The following NLK variants were observed in gnomAD, a reference collection of about 807,000 sequenced individuals.
NLK encodes the protein nemo like kinase, also known as serine/threonine-protein kinase NLK.
NLK carries 11 observed loss-of-function variants against 59.0 expected under a neutral mutation model. The observed-to-expected ratio is 0.19, with a 90% CI of 0.12 to 0.31. The LOEUF (loss-of-function observed/expected upper bound fraction) is 0.31, where lower values mean the gene tolerates loss of function less well. Ranked by LOEUF, NLK falls within the 10% of genes least tolerant of loss-of-function variation. The probability of loss-of-function intolerance (pLI) is 1.00; values close to 1 mark genes in which losing one functional copy is unlikely to be tolerated. For synonymous variants in NLK, 235 were observed against 235.9 expected (o/e 1.00, Z 0.03); for missense variants, 410 against 661.1 (o/e 0.62, Z 4.16).
In NLK at chr17:28,164,636, G is replaced by A. The variant is rs34833962; in HGVS notation, c.837+1008G>A. ...TTTGTATTTCCCTACCTCTAATACA[G>A]ATGTGTATTGGCAGAACTCTTGAAT... On this transcript the variant is annotated intron_variant, in intron 5 of 10. Coordinates refer to ENST00000407008, the MANE Select transcript of NLK (RefSeq NM_016231.5). 5.6e-3 allele frequency among the ~76,000 whole-genome samples: 852 copies of A among 152,240 alleles called. 10 individuals carry two copies. The highest frequency in any genetic ancestry group is 0.02 in the African/African-American group (814 of 41,532).
the NLK span, among the ~76,000 whole-genome samples, chr17:28,204,755 A>T: frequency 6.6e-6 from 1 of 152,224 alleles, no homozygotes; most frequent in Non-Finnish European, 1.5e-5. Context: ...AACAGGGCAG[A>T]TAAGGAGAAT....
chr17:28,191,512 G>A (rs1012143081), intron 9 of NLK, among the ~76,000 whole-genome samples: 5 of 152,132 alleles, frequency 3.3e-5, no homozygotes, highest in East Asian at 1.9e-4. Flanking sequence ...TGATTCAAAC[G>A]TATTGAACTT....
chr17:28,196,521 ATCT>A (rs1909489176), downstream of NLK: 1 of 152,224 alleles, frequency 6.6e-6, no homozygotes, highest in African/African-American at 2.4e-5. Context: ...GTTTTTAAAA[ATCT>A]TCTCAAAAAC....
intron 3 of NLK, among the ~76,000 whole-genome samples, chr17:28,144,910 A>T (rs1169718398): frequency 6.6e-6 from 1 of 152,232 alleles, no homozygotes; most frequent in African/African-American, 2.4e-5. Flanking sequence ...ATTTGAGAGC[A>T]GTACCTCAGG....
chr17:28,084,726 G>A (rs1910455433), intron 1 of NLK, among the ~76,000 whole-genome samples: 1 of 152,120 alleles, frequency 6.6e-6, no homozygotes, highest in Non-Finnish European at 1.5e-5. Flanking sequence ...ACCATGCCCG[G>A]CTAATTTTTG....
chr17:28,099,788 C>T (rs1394778699), intron 1 of NLK, among the ~76,000 whole-genome samples: 3 of 151,304 alleles, frequency 2.0e-5, no homozygotes, highest in Admixed American at 2.0e-4. Context: ...CCTTGTTAGC[C>T]AGGATGGTCT....
At chr17:28,204,694 C>G in the NLK span, among the ~76,000 whole-genome samples, 1 of 152,166 alleles carries the variant, frequency 6.6e-6, no homozygotes, top group Non-Finnish European at 1.5e-5. Flanking sequence ...AATAAACATA[C>G]AAATAAATCA....
At chr17:28,124,213 T>A (rs1906198278) in intron 2 of NLK, among the ~76,000 whole-genome samples, 1 of 152,206 alleles carries the variant, frequency 6.6e-6, no homozygotes, top group Non-Finnish European at 1.5e-5. Context: ...GCAATATGCT[T>A]GTTTTAATAC....
intron 1 of NLK, among the ~76,000 whole-genome samples, chr17:28,120,492 A>C (rs987893804): frequency 6.6e-6 from 1 of 152,240 alleles, no homozygotes; most frequent in East Asian, 1.9e-4. Flanking sequence ...TGAAAACTCA[A>C]AATTGCCTGT....
intron 3 of NLK, among the ~76,000 whole-genome samples, chr17:28,154,466 C>T (rs1019626690): frequency 6.6e-6 from 1 of 152,050 alleles, no homozygotes; most frequent in Admixed American, 6.6e-5. Context: ...GAGGGTTCCT[C>T]ATGAAATAAT....
chr17:28,202,022 A>G, the NLK span, among the ~76,000 whole-genome samples: 52 of 151,472 alleles, frequency 3.4e-4, no homozygotes, highest in African/African-American at 1.2e-3. Context: ...TCTCAAAAGG[A>G]AAAAAAAAGC....
At chr17:28,203,709 GTATT>G in the NLK span, among the ~76,000 whole-genome samples, 7 of 152,082 alleles carry the variant, frequency 4.6e-5, no homozygotes. Flanking sequence ...GCTAATTTTT[GTATT>G]TTTAGTAGAG....
chr17:28,202,616 G>A, the NLK span, among the ~76,000 whole-genome samples: 1 of 151,928 alleles, frequency 6.6e-6, no homozygotes, highest in Non-Finnish European at 1.5e-5. Flanking sequence ...ATGAACTGGG[G>A]AGTATTTTCT....
chr17:28,176,443 C>T (rs1016141021), intron 7 of NLK, among the ~76,000 whole-genome samples: 4 of 152,160 alleles, frequency 2.6e-5, no homozygotes, highest in African/African-American at 9.7e-5. Context: ...ATGTGCTGAA[C>T]ACTTCTTATA....
intron 1 of NLK, among the ~76,000 whole-genome samples, chr17:28,070,195 C>T (rs1000274803): frequency 6.6e-6 from 1 of 151,656 alleles, no homozygotes; most frequent in African/African-American, 2.4e-5. Context: ...AAGATCGCAC[C>T]ACCGCGCTCC....
intron 1 of NLK, among the ~76,000 whole-genome samples, chr17:28,089,989 T>C (rs1334219420): frequency 1.3e-5 from 2 of 152,212 alleles, no homozygotes; most frequent in Non-Finnish European, 2.9e-5. Context: ...TTGTGGCTTG[T>C]GTTTTTGTCT....
chr17:28,140,700 A>G (rs1331488877), intron 3 of NLK, among the ~76,000 whole-genome samples: 1 of 151,928 alleles, frequency 6.6e-6, no homozygotes, highest in Non-Finnish European at 1.5e-5. Context: ...TAATTATAGT[A>G]CCAGAATAAT....
At chr17:28,171,727 T>C (rs1287770887) in intron 6 of NLK, among the ~76,000 whole-genome samples, 2 of 152,160 alleles carry the variant, frequency 1.3e-5, no homozygotes, top group African/African-American at 2.4e-5. Flanking sequence ...ATTTGAAGCA[T>C]CAGAATCCAT....
At chr17:28,113,223 G>T (rs1253315822) in intron 1 of NLK, among the ~76,000 whole-genome samples, 1 of 152,082 alleles carries the variant, frequency 6.6e-6, no homozygotes, top group African/African-American at 2.4e-5. Context: ...ACACCTCTAT[G>T]ACCACCATTC....
Sources: allele counts gnomAD v4.1 joint callset (sites outside exome capture counted in the v4.1 genomes callset), GRCh38; gene constraint gnomAD v4.1.1; transcripts MANE v1.5; gene names NCBI Gene and HGNC (gene_info 2026-07-23, HGNC 2026-07-21).